CCDC146: variants seen among roughly 807,000 people sequenced by gnomAD.
CCDC146 encodes the protein coiled-coil domain containing 146.
CCDC146 carries 92 observed loss-of-function variants against 119.3 expected under a neutral mutation model. The observed-to-expected ratio is 0.77, with a 90% CI of 0.65 to 0.92. CCDC146 has a LOEUF of 0.92. Ranked by LOEUF, CCDC146 falls within the 40% of genes least tolerant of loss-of-function variation. CCDC146 has a pLI of 0.00. For synonymous variants in CCDC146, 372 were observed against 371.8 expected (o/e 1.00, Z -0.01); for missense variants, 1,000 against 1,103.0 (o/e 0.91, Z 1.32).
At position 77,294,561 on chromosome 7, in the gene CCDC146, G is replaced by A. The variant is rs186628429; in HGVS notation, c.2665-102G>A. The A allele has an allele frequency of 2.3e-4, 225 of 957,778 alleles. 1 individual carries two copies. The highest frequency in any genetic ancestry group is 3.2e-4 in the Non-Finnish European group (207 of 650,502). 59.3% of individuals were successfully genotyped at this position (957,778 alleles called of 1,614,324 possible). On this transcript the variant is annotated intron_variant, in intron 18 of 18. Coordinates refer to ENST00000285871, the MANE Select transcript of CCDC146 (RefSeq NM_020879.3). ...CCCTTTGGGGAGTATCAGCTAGCAC[G>A]GTCAAAGACTGTCCAGACCAGCTGT...
At chr7:77,277,871 G>T (rs940097656) in intron 11 of CCDC146, among the ~76,000 whole-genome samples, 3 of 152,080 alleles carry the variant, frequency 2.0e-5, no homozygotes, top group African/African-American at 7.2e-5. Context: ...CTTCATTTTT[G>T]AATATGTTTC....
intron 2 of CCDC146, among the ~76,000 whole-genome samples, chr7:77,220,294 G>T (rs1393892673): frequency 6.6e-6 from 1 of 152,152 alleles, no homozygotes; most frequent in Non-Finnish European, 1.5e-5. Flanking sequence ...CTTCTGCCTG[G>T]CCCCGCAGGC....
chr7:77,150,279 C>G (rs943005219), intron 1 of CCDC146, among the ~76,000 whole-genome samples: 5 of 151,732 alleles, frequency 3.3e-5, no homozygotes, highest in African/African-American at 4.8e-5. Flanking sequence ...GGCTAGGAGA[C>G]ATTGAGAGAA....
chr7:77,264,464 C>T (rs570373068), intron 9 of CCDC146, among the ~76,000 whole-genome samples: 40 of 151,994 alleles, frequency 2.6e-4, no homozygotes, highest in Admixed American at 7.9e-4. Context: ...TCACTATGTT[C>T]GCCAGGCTGG....
intron 3 of CCDC146, 175 bp downstream of exon 3, chr7:77,237,204 G>A: frequency 3.4e-6 from 2 of 587,916 alleles, no homozygotes; most frequent in Non-Finnish European, 6.2e-6. Context: ...AAGTGCGACT[G>A]GGAAGGAAGG....
At chr7:77,267,225 T>C (rs999058669) in intron 9 of CCDC146, among the ~76,000 whole-genome samples, 16 of 152,194 alleles carry the variant, frequency 1.1e-4, no homozygotes, top group Non-Finnish European at 1.9e-4. Flanking sequence ...ACTCCTGACC[T>C]CAGGTGATCC....
intron 2 of CCDC146, among the ~76,000 whole-genome samples, chr7:77,221,994 A>C (rs1792412442): frequency 6.6e-6 from 1 of 152,244 alleles, no homozygotes; most frequent in Admixed American, 6.5e-5. Context: ...CAATAAAATG[A>C]GCCAAAAAAT....
chr7:77,252,452 G>A (rs529431672), intron 4 of CCDC146, among the ~76,000 whole-genome samples: 3 of 152,252 alleles, frequency 2.0e-5, no homozygotes, highest in African/African-American at 7.2e-5. Flanking sequence ...CAAGAATGAC[G>A]CTCATGTTTA....
intron 8 of CCDC146, 49 bp downstream of exon 8, chr7:77,260,285 A>C (rs1300485653): frequency 7.3e-7 from 1 of 1,369,170 alleles, no homozygotes; most frequent in South Asian, 1.4e-5. Flanking sequence ...ATTTTTCTTC[A>C]ATTTATATTT....
At chr7:77,256,787 G>A (rs1286871004) in intron 6 of CCDC146, among the ~76,000 whole-genome samples, 1 of 152,162 alleles carries the variant, frequency 6.6e-6, no homozygotes, top group Non-Finnish European at 1.5e-5. Flanking sequence ...AGAAACAAGT[G>A]TCACAAACAC....
chr7:77,285,524 A>G (rs1793832270), intron 15 of CCDC146, among the ~76,000 whole-genome samples: 1 of 152,228 alleles, frequency 6.6e-6, no homozygotes, highest in Non-Finnish European at 1.5e-5. Context: ...GTTGTAAAAT[A>G]CCATCAATAT....
chr7:77,293,154 T>C lies in CCDC146; in HGVS notation c.2618T>C (p.Leu873Pro). Reference sequence around the variant, plus strand: ...ATTGAGAAAGAATGGTTGAAAGTCCTTCGAGATGAAGAAATGCACGCCTTG... The same window carrying C: ...ATTGAGAAAGAATGGTTGAAAGTCCCTCGAGATGAAGAAATGCACGCCTTG... The part of the protein sequence containing the change: ...KEIEKEWLKV[L>P]RDEEMHALAI... The change falls in exon 18 of 19, where the codon CTT becomes CCT. Residue 873 changes from leucine (L) to proline (P), a missense_variant. Leu to Pro is a moderately conservative substitution (Grantham distance 98). Coordinates refer to ENST00000285871, the MANE Select transcript of CCDC146 (RefSeq NM_020879.3). The C allele has an allele frequency of 6.2e-7, 1 of 1,614,144 alleles. No individual in the cohort carries two copies. The highest frequency in any genetic ancestry group is 1.1e-5 in the South Asian group (1 of 91,076).
At chr7:77,200,186 C>T (rs1169942434) in intron 2 of CCDC146, among the ~76,000 whole-genome samples, 1 of 152,142 alleles carries the variant, frequency 6.6e-6, no homozygotes, top group Admixed American at 6.5e-5. Context: ...GCTAGTTATC[C>T]AAACTGTCTA....
At chr7:77,254,022 GA>G (rs1793130004) in intron 4 of CCDC146, among the ~76,000 whole-genome samples, 4 of 152,178 alleles carry the variant, frequency 2.6e-5, no homozygotes, top group Admixed American at 2.6e-4. Context: ...GTCCAGGTGT[GA>G]TGGGAATTTA....
chr7:77,200,925 CA>C (rs1341541397), intron 2 of CCDC146, among the ~76,000 whole-genome samples: 1 of 152,084 alleles, frequency 6.6e-6, no homozygotes, highest in Non-Finnish European at 1.5e-5. Flanking sequence ...CTGACATGGG[CA>C]AAAATCTAAA....
chr7:77,242,646 T>C (rs1452762616), intron 4 of CCDC146, among the ~76,000 whole-genome samples: 1 of 152,192 alleles, frequency 6.6e-6, no homozygotes, highest in Non-Finnish European at 1.5e-5. Context: ...TTTTCTGCTG[T>C]GGTGTGCTGT....
At position 77,282,804 on chromosome 7, in the gene CCDC146, G is replaced by C; in HGVS notation, c.2148+19G>C. 1 of 1,549,650 alleles carries C rather than the reference G, an allele frequency of 6.5e-7. No homozygotes were observed. The highest frequency in any genetic ancestry group is 8.9e-7 in the Non-Finnish European group (1 of 1,122,024). On this transcript the variant is annotated intron_variant, in intron 15 of 18. Transcript: ENST00000285871. The stretch of plus-strand genomic sequence containing the variant: ...AATTCAGGTGGGTGAGTGATCACGG[G>C]ACACTTCCTCAGACCATTTATTTTT...
chr7:77,276,528 A>C (rs1175450078), intron 11 of CCDC146, among the ~76,000 whole-genome samples: 4 of 152,212 alleles, frequency 2.6e-5, no homozygotes, highest in African/African-American at 9.6e-5. Flanking sequence ...ATGGGGAGAA[A>C]GGATGTCAAA....
At chr7:77,168,632 G>A (rs144585468) in intron 2 of CCDC146, among the ~76,000 whole-genome samples, 1,532 of 152,160 alleles carry the variant, frequency 0.01, 24 homozygotes, top group African/African-American at 0.035. Flanking sequence ...CTATATATGT[G>A]TATACAGGAT....
Sources: allele counts gnomAD v4.1 joint callset (sites outside exome capture counted in the v4.1 genomes callset), GRCh38; gene constraint gnomAD v4.1.1; transcripts MANE v1.5; gene names NCBI Gene and HGNC (gene_info 2026-07-23, HGNC 2026-07-21).